The following TBCD variants were observed in gnomAD, a reference collection of about 807,000 sequenced individuals.
TBCD encodes the protein tubulin folding cofactor D, also known as tubulin-specific chaperone D.
A neutral mutation model predicts 169.3 loss-of-function variants in TBCD; 105 were observed. The observed-to-expected ratio is 0.62, with a 90% CI of 0.53 to 0.73. TBCD has a LOEUF of 0.73. Ranked by LOEUF, TBCD falls within the 30% of genes least tolerant of loss-of-function variation. The pLI is 0.00. For missense variants in TBCD, 1,444 were observed against 1,600.1 expected (o/e 0.90, Z 1.66); for synonymous variants, 700 against 643.9 (o/e 1.09, Z -1.32).
chr17:82,844,747 C>T (rs1452187731), intron 13 of TBCD, among the ~76,000 whole-genome samples: 1 of 141,628 alleles, frequency 7.1e-6, no homozygotes, highest in Non-Finnish European at 1.6e-5. Flanking sequence ...ACATGTTCAA[C>T]CCCCTGTGTT....
chr17:82,939,935 T>C (rs770179013), intron 37 of TBCD, among the ~76,000 whole-genome samples: 16 of 152,214 alleles, frequency 1.1e-4, no homozygotes, highest in Non-Finnish European at 1.9e-4. Context: ...CTCAGGGCCA[T>C]GAGGCCCTCA....
In TBCD at chr17:82,782,692, C is replaced by T. The variant is rs1439360362; in HGVS notation, c.771+971C>T. On this transcript the variant is annotated intron_variant, in intron 7 of 38. Coordinates refer to ENST00000355528, the MANE Select transcript of TBCD (RefSeq NM_005993.5). The surrounding 1 kb of genome is among the most constrained non-coding windows in gnomAD (Gnocchi z 5.1). The stretch of plus-strand genomic sequence containing the variant: ...AGGGGAGATGATGAGTGCCACCTCG[C>T]CACGGCGTCCTCCTGTCCGTGGCGT... Among the ~76,000 whole-genome samples the T allele has an allele frequency of 6.6e-6, 1 of 152,150 alleles. No individual in the cohort carries two copies. The highest frequency in any genetic ancestry group is 2.4e-5 in the African/African-American group (1 of 41,428).
chr17:82,828,917 C>A (rs761589735), intron 13 of TBCD, among the ~76,000 whole-genome samples: 19 of 150,894 alleles, frequency 1.3e-4, no homozygotes, highest in Non-Finnish European at 1.5e-4. Flanking sequence ...TACACATGCA[C>A]ACCTACACAG....
intron 13 of TBCD, among the ~76,000 whole-genome samples, chr17:82,817,524 T>C (rs2052024651): frequency 6.6e-6 from 1 of 152,150 alleles, no homozygotes; most frequent in South Asian, 2.1e-4. Context: ...CTCGAACTCC[T>C]GAGCTCAAGC....
intron 23 of TBCD, among the ~76,000 whole-genome samples, chr17:82,919,823 C>T (rs1013149893): frequency 8.5e-5 from 13 of 152,092 alleles, no homozygotes; most frequent in African/African-American, 2.4e-4. Flanking sequence ...TGTGCAGGGA[C>T]GCCAGGTGGA....
At chr17:82,862,703 C>G (rs952897161) in intron 13 of TBCD, among the ~76,000 whole-genome samples, 3 of 152,190 alleles carry the variant, frequency 2.0e-5, no homozygotes, top group Admixed American at 1.3e-4. Context: ...CCCGCCATGT[C>G]TTTTTAGCTT....
intron 9 of TBCD, among the ~76,000 whole-genome samples, chr17:82,804,148 T>C (rs2050782530): frequency 8.4e-6 from 1 of 119,534 alleles, no homozygotes; most frequent in African/African-American, 3.2e-5. Flanking sequence ...TGTGCCTGCC[T>C]GTGGGGTGTT....
At chr17:82,778,409 G>A (rs945646035) in intron 6 of TBCD, among the ~76,000 whole-genome samples, 15 of 152,142 alleles carry the variant, frequency 9.9e-5, no homozygotes, top group Admixed American at 1.3e-4. Context: ...GGCCCCTTTT[G>A]CAGATCCGCT....
chr17:82,783,030 C>T (rs557277768), intron 7 of TBCD, among the ~76,000 whole-genome samples: 2 of 152,094 alleles, frequency 1.3e-5, no homozygotes, highest in South Asian at 4.2e-4. Flanking sequence ...TATCATCTTC[C>T]TGCCCGCGGT....
chr17:82,840,757 C>G (rs573747128), intron 13 of TBCD, among the ~76,000 whole-genome samples: 1 of 152,058 alleles, frequency 6.6e-6, no homozygotes, highest in East Asian at 1.9e-4. Context: ...ACCTCCACAC[C>G]CCCCCACCAA....
At chr17:82,811,943 T>G (rs1037444070) in intron 12 of TBCD, among the ~76,000 whole-genome samples, 4 of 152,162 alleles carry the variant, frequency 2.6e-5, no homozygotes, top group African/African-American at 9.7e-5. Context: ...CCCGCTCCTT[T>G]CCTGGGCTGG....
chr17:82,781,826 C>T, intron 7 of TBCD, 105 bp downstream of exon 7: 1 of 1,516,710 alleles, frequency 6.6e-7, no homozygotes, highest in Non-Finnish European at 8.9e-7. Context: ...TAATTGGAAC[C>T]CCGTGGGATT....
Position 82,839,044 on chromosome 17 carries a change from CA to C in TBCD, c.1318+24111del, listed in dbSNP as rs1344612189. ...CCTTTTGTATCTGTGTCTATATGTA[CA>C]GAAGACCTTAACAACCAAACAGAAA... is the stretch of plus-strand genomic sequence containing the variant. On this transcript the variant is annotated intron_variant, in intron 13 of 38. Transcript: ENST00000355528. 32 of 914,894 alleles carry C rather than the reference CA, an allele frequency of 3.5e-5. No individual in the cohort carries two copies. In the East Asian group the frequency reaches 4.7e-4, roughly 14 times the overall value. The allele number at this position is 914,894 out of a possible 1,614,324, so 56.7% of individuals were successfully genotyped here.
intron 36 of TBCD, chr17:82,939,073 G>C: frequency 2.0e-6 from 1 of 496,360 alleles, no homozygotes; most frequent in Non-Finnish European, 3.7e-6. Context: ...AGGCGAGATT[G>C]CTTCTCTGGT....
At chr17:82,926,248 C>CGGGGGCCGTGG (rs2061752703) in intron 27 of TBCD, among the ~76,000 whole-genome samples, 152 bp from the exon 28 acceptor site, 1 of 148,552 alleles carries the variant, frequency 6.7e-6, no homozygotes, top group African/African-American at 2.5e-5. Context: ...TGGGTTGTAC[C>CGGGGGCCGTGG]AGGGGCCATG....
rs532182706 is a variant in TBCD, at chr17:82,872,954, C to G, written c.1475+2574C>G. ...GGCTTCTGAGCCAGGCCCGGCACCT[C>G]GTGGCCGACGGCTTCTGAGCCAGGC... On this transcript the variant is annotated intron_variant, in intron 14 of 38. Coordinates refer to ENST00000355528, the MANE Select transcript of TBCD (RefSeq NM_005993.5). Among the ~76,000 whole-genome samples the G allele has an allele frequency of 6.9e-3, 999 of 144,396 alleles. 27 individuals are homozygous for G. The highest frequency in any genetic ancestry group is 0.027 in the African/African-American group (965 of 35,964). 94.7% of individuals were successfully genotyped at this position (144,396 alleles called of 152,430 possible).
intron 5 of TBCD, among the ~76,000 whole-genome samples, 197 bp downstream of exon 5, chr17:82,768,763 C>G (rs1278772380): frequency 6.6e-6 from 1 of 152,040 alleles, no homozygotes; most frequent in Non-Finnish European, 1.5e-5. Flanking sequence ...TAGCAAATCT[C>G]ATTTCTTTGT....
chr17:82,761,130 A>G (rs1258447026), intron 2 of TBCD, among the ~76,000 whole-genome samples: 1 of 151,854 alleles, frequency 6.6e-6, no homozygotes, highest in Admixed American at 6.6e-5. Context: ...AGCCTGGCCA[A>G]TTTTTGTATT....
Position 82,944,866 on chromosome 17 carries a change from C to CTA in TBCD, c.*2408_*2409dup, listed in dbSNP as rs2063574810. On this transcript the variant is annotated 3_prime_UTR_variant, in exon 39 of 39. Transcript: ENST00000355528. ...GCCCAGGGCCAGATCTAATGGACCA[C>CTA]TATATAAAGCTGGGACCCTAAATAA... 1 of 152,170 alleles carries CTA rather than the reference C, an allele frequency of 6.6e-6. No individual in the cohort carries two copies. Among genetic ancestry groups the CTA allele is most frequent in the Admixed American group, 6.5e-5 (1 of 15,276 alleles). 9.4% of individuals were successfully genotyped at this position (152,170 alleles called of 1,614,324 possible).
Sources: allele counts gnomAD v4.1 joint callset (sites outside exome capture counted in the v4.1 genomes callset), GRCh38; gene constraint gnomAD v4.1.1; non-coding constraint Gnocchi (gnomAD v3.1); transcripts MANE v1.5; gene names NCBI Gene and HGNC (gene_info 2026-07-23, HGNC 2026-07-21).